The following DDX3X variants were observed in gnomAD, a reference collection of about 807,000 sequenced individuals.
DDX3X encodes ATP-dependent RNA helicase DDX3X.
A neutral mutation model predicts 52.7 loss-of-function variants in DDX3X; 4 were observed. That is an observed-to-expected ratio of 0.08 (90% CI 0.04 to 0.17). The LOEUF (loss-of-function observed/expected upper bound fraction) is 0.17, where lower values mean the gene tolerates loss of function less well. DDX3X is among the 10% of genes least tolerant of loss of function. The pLI is 1.00. For missense variants in DDX3X, 222 were observed against 548.6 expected (o/e 0.40, Z 5.95); for synonymous variants, 192 against 178.1 (o/e 1.08, Z -0.62).
intron 1 of DDX3X, 164 bp downstream of exon 1, chrX:41,334,461 G>C: frequency 9.0e-7 from 1 of 1,105,210 alleles, no homozygotes; most frequent in Admixed American, 3.2e-5. Context: ...AGGAATGTTG[G>C]TTGGGGCTGT....
intron 3 of DDX3X, chrX:41,339,688 G>A (rs2063820123): frequency 9.0e-6 from 1 of 111,231 alleles, no homozygotes; most frequent in Non-Finnish European, 1.9e-5. Flanking sequence ...CTGTAAAATA[G>A]ACCATCCAAA....
At chrX:41,343,398 G>A (rs1412926238) in intron 7 of DDX3X, 47 bp downstream of exon 7, 1 of 1,110,260 alleles carries the variant, frequency 9.0e-7, no homozygotes, top group Admixed American at 3.1e-5. Flanking sequence ...TTCTGTAAAG[G>A]ACTAGACAAT....
At chrX:41,360,880 G>C (rs1020695618) in intron 5 of DDX3X, among the ~76,000 whole-genome samples, 5 of 107,145 alleles carry the variant, frequency 4.7e-5, no homozygotes, top group African/African-American at 6.8e-5. Flanking sequence ...ATCTTTGTTT[G>C]GGGGGGGCAC....
chrX:41,344,233 TTA>T lies in DDX3X; in HGVS notation c.865-3_865-2del, dbSNP rs1347840420. On this transcript the variant is annotated splice_region_variant and splice_polypyrimidine_tract_variant and intron_variant, in intron 9 of 16. Coordinates refer to ENST00000644876, the MANE Select transcript of DDX3X (RefSeq NM_001356.5). ...TTGAAGTTCATAACATTTTTTTTGC[TTA>T]TAGTTTTCATACCGATCTAGAGTTC... The T allele has an allele frequency of 8.3e-7, 1 of 1,206,499 alleles. No homozygotes were observed. Among genetic ancestry groups the T allele is most frequent in the Non-Finnish European group, 1.1e-6 (1 of 893,465 alleles).
chrX:41,343,500 A>G (rs1890098608), intron 7 of DDX3X, 149 bp downstream of exon 7: 1 of 561,834 alleles, frequency 1.8e-6, no homozygotes, highest in African/African-American at 2.4e-5. Flanking sequence ...TACATAAATT[A>G]TTGGTTACGG....
Position 41,341,652 on chromosome X carries a change from A to C in DDX3X, c.284+36A>C, listed in dbSNP as rs766831087. The C allele has an allele frequency of 7.7e-6, 9 of 1,174,453 alleles. No individual in the cohort carries two copies. The African/African-American group carries it at 1.4e-4, about 18-fold the overall frequency. On this transcript the variant is annotated intron_variant, in intron 4 of 16. Coordinates refer to ENST00000644876, the MANE Select transcript of DDX3X (RefSeq NM_001356.5). ...TCTTAATCACCTTACGTGTATGTAT[A>C]ATAACAGTTTAATAAGTCGTTATCC...
At chrX:41,347,052 C>T (rs2063934752) in intron 15 of DDX3X, 40 bp downstream of exon 15, 1 of 1,141,665 alleles carries the variant, frequency 8.8e-7, no homozygotes, top group African/African-American at 1.8e-5. Context: ...AATGGGTGTT[C>T]ACTTACAGTT....
Position 41,334,225 on chromosome X carries a change from G to C in DDX3X, c.-28G>C. 5 of 1,201,911 alleles carry C rather than the reference G, an allele frequency of 4.2e-6. No individual in the cohort carries two copies. The highest frequency in any genetic ancestry group is 5.6e-6 in the Non-Finnish European group (5 of 888,029). ...AACAAACACTCGCTTAGCAGCGGAA[G>C]ACTCCGAGTTCTCGGTACTCTTCAG... On this transcript the variant is annotated 5_prime_UTR_variant, in exon 1 of 17. Transcript: ENST00000644876.
chrX:41,334,267 A>G lies in DDX3X; in HGVS notation c.15A>G (p.Ala5=), dbSNP rs1476142735. The change falls in exon 1 of 17, where the codon GCA becomes GCG. Residue 5 remains alanine, a synonymous_variant. Coordinates refer to ENST00000644876, the MANE Select transcript of DDX3X (RefSeq NM_001356.5). MSHV[A]VENALGLDQQ... The stretch of plus-strand genomic sequence containing the variant: ...ACTCTTCAGGGATGAGTCATGTGGC[A>G]GTGGAAAATGCGCTCGGGCTGGACC... The G allele has an allele frequency of 1.7e-6, 2 of 1,211,426 alleles. No homozygotes were observed. Among genetic ancestry groups the G allele is most frequent in the Middle Eastern group, 2.3e-4 (1 of 4,318 alleles).
At chrX:41,346,046 C>G (rs976003902) in intron 12 of DDX3X, among the ~76,000 whole-genome samples, 183 bp from the exon 13 acceptor site, 1 of 111,117 alleles carries the variant, frequency 9.0e-6, no homozygotes, top group Non-Finnish European at 1.9e-5. Flanking sequence ...AGACCCCCAT[C>G]TCTTAAATGT....
intron 3 of DDX3X, chrX:41,340,396 C>T (rs2063833393): frequency 8.4e-6 from 1 of 118,384 alleles, no homozygotes; most frequent in Non-Finnish European, 1.7e-5. Flanking sequence ...CTGTTGGTCA[C>T]CTGACTGGCC....
At chrX:41,334,637 A>T (rs1441252376) in intron 1 of DDX3X, 1 of 1,073,758 alleles carries the variant, frequency 9.3e-7, no homozygotes, top group Admixed American at 2.8e-5. Flanking sequence ...GGTTTGCGGG[A>T]GTGCGCAGCG....
At position 41,349,075 on chromosome X, in the gene DDX3X, G is replaced by A. The variant is rs755214981; in HGVS notation, c.*1356G>A. On this transcript the variant is annotated 3_prime_UTR_variant, in exon 17 of 17. Coordinates refer to ENST00000644876, the MANE Select transcript of DDX3X (RefSeq NM_001356.5). ...TGTGCTAATTTTGTGGCCAGAATGC[G>A]GTGATCAAAACGCTCCATCTTTTTA... 8.9e-6 allele frequency: 1 copy of A among 112,108 alleles called. No homozygotes were observed. Among genetic ancestry groups the A allele is most frequent in the Non-Finnish European group, 1.9e-5 (1 of 53,228 alleles). 9.2% of individuals were successfully genotyped at this position (112,108 alleles called of 1,213,427 possible).
At chrX:41,343,190 C>T (rs766133574) in intron 6 of DDX3X, 26 bp from the exon 7 acceptor site, 241 of 1,198,881 alleles carry the variant, frequency 2.0e-4, no homozygotes, top group Non-Finnish European at 1.9e-4. Flanking sequence ...AGATAGCATT[C>T]CTAACCCCAT....
intron 5 of DDX3X, among the ~76,000 whole-genome samples, chrX:41,361,077 TC>T (rs755158793): frequency 8.4e-5 from 9 of 107,105 alleles, no homozygotes; most frequent in South Asian, 4.0e-4. Context: ...TGATCTTATG[TC>T]CCTCTGCAGC....
intron 5 of DDX3X, among the ~76,000 whole-genome samples, chrX:41,362,918 C>T (rs1347995073): frequency 1.8e-5 from 2 of 111,787 alleles, no homozygotes; most frequent in Non-Finnish European, 3.8e-5. Context: ...GCTCATCAGA[C>T]AGCCTCCCCT....
chrX:41,363,282 G>A (rs1256791996), intron 5 of DDX3X, among the ~76,000 whole-genome samples: 2 of 110,450 alleles, frequency 1.8e-5, no homozygotes, highest in Non-Finnish European at 3.8e-5. Flanking sequence ...AAAATTAGCT[G>A]GGCATGGTGG....
intron 5 of DDX3X, chrX:41,358,065 CTTTTTTTTTTTT>C (rs59380932): frequency 1.3e-4 from 6 of 45,975 alleles, no homozygotes; most frequent in South Asian, 1.5e-3. Context: ...GATAGACACT[CTTTTTTTTTTTT>C]TTTTTTTTTT....
chrX:41,347,537 G>T, intron 16 of DDX3X, 86 bp downstream of exon 16: 2 of 1,163,069 alleles, frequency 1.7e-6, no homozygotes, highest in Non-Finnish European at 2.3e-6. Flanking sequence ...AACAATTTAA[G>T]TTCAGCACTA....
Sources: allele counts gnomAD v4.1 joint callset (sites outside exome capture counted in the v4.1 genomes callset), GRCh38; gene constraint gnomAD v4.1.1; transcripts MANE v1.5; gene names NCBI Gene and HGNC (gene_info 2026-07-23, HGNC 2026-07-21).